The following NXPH1 variants were observed in gnomAD, a reference collection of about 807,000 sequenced individuals.
NXPH1 encodes neurexophilin 1, also known as neurexophilin-1.
In NXPH1, 5 loss-of-function variants were observed where a neutral mutation model predicts 23.7. The ratio of observed to expected loss-of-function variants is 0.21; its 90% CI spans 0.11 to 0.44. The LOEUF (loss-of-function observed/expected upper bound fraction) is 0.44. Among genes scored for constraint, NXPH1 ranks in the 20% least tolerant of loss-of-function variants. The pLI, the probability that NXPH1 is intolerant of heterozygous loss-of-function variation, is 0.99. For synonymous variants in NXPH1, 144 were observed against 122.2 expected (o/e 1.18, Z -1.18); for missense variants, 324 against 321.6 (o/e 1.01, Z -0.06).
Position 8,435,650 on chromosome 7 carries a change from C to T in NXPH1, c.-64C>T, listed in dbSNP as rs1451876495. The T allele has an allele frequency of 8.9e-6, 13 of 1,461,112 alleles. No homozygotes were observed. The highest frequency in any genetic ancestry group is 1.7e-5 in the Admixed American group (1 of 59,790). 90.5% of individuals were successfully genotyped at this position (1,461,112 alleles called of 1,614,324 possible). ...TCTGTAAAGTGGATGTCAGGTGGAT[C>T]TATGTTTCTGAAGGAACAAAGACTC... On this transcript the variant is annotated 5_prime_UTR_variant, in exon 2 of 3. Coordinates refer to ENST00000405863, the MANE Select transcript of NXPH1 (RefSeq NM_152745.3). The surrounding 1 kb of genome is among the most constrained non-coding windows in gnomAD (Gnocchi z 5.9).
intron 2 of NXPH1, among the ~76,000 whole-genome samples, chr7:8,538,816 G>A (rs1584219845): frequency 1.3e-5 from 2 of 151,978 alleles, no homozygotes; most frequent in South Asian, 4.2e-4. Context: ...AGAAGGTGAC[G>A]GTAAAGCTGA....
At chr7:8,750,032 G>A (rs1780537379) in intron 2 of NXPH1, among the ~76,000 whole-genome samples, 1 of 152,184 alleles carries the variant, frequency 6.6e-6, no homozygotes, top group Non-Finnish European at 1.5e-5. Flanking sequence ...CCACCCTGAA[G>A]TGACCTCTCA....
chr7:8,609,236 T>C (rs1017373605), intron 2 of NXPH1, among the ~76,000 whole-genome samples: 4 of 152,168 alleles, frequency 2.6e-5, no homozygotes, highest in African/African-American at 7.2e-5. Context: ...AGAAGCTCAA[T>C]ACATGTAAGC....
At chr7:8,714,809 T>A (rs531012158) in intron 2 of NXPH1, among the ~76,000 whole-genome samples, 4 of 152,210 alleles carry the variant, frequency 2.6e-5, no homozygotes, top group Admixed American at 2.6e-4. Context: ...TGAGCTGGTA[T>A]CCAAGTTGCA....
intron 2 of NXPH1, among the ~76,000 whole-genome samples, chr7:8,561,091 G>A (rs776445250): frequency 6.6e-6 from 1 of 151,528 alleles, no homozygotes; most frequent in Non-Finnish European, 1.5e-5. Flanking sequence ...TTATAACTAC[G>A]GGAATTCTAT....
chr7:8,448,546 G>T lies in NXPH1; in HGVS notation c.54+12779G>T, dbSNP rs1443089752. ...GAAAATGGACATTTGGCTGGGTGCG[G>T]TGACTCACGCCTGTAATCCTAGCAC... On this transcript the variant is annotated intron_variant, in intron 2 of 2. Transcript: ENST00000405863. Among the ~76,000 whole-genome samples the T allele has an allele frequency of 4.6e-5, 7 of 152,326 alleles. No individual in the cohort carries two copies. The East Asian group carries it at 1.4e-3, about 29-fold the overall frequency.
intron 2 of NXPH1, among the ~76,000 whole-genome samples, chr7:8,447,061 A>C (rs1480740532): frequency 6.6e-6 from 1 of 152,220 alleles, no homozygotes; most frequent in Non-Finnish European, 1.5e-5. Context: ...AAGCTGGGCT[A>C]TATGAGACCT....
chr7:8,577,592 G>C (rs1262665866), intron 2 of NXPH1, among the ~76,000 whole-genome samples: 2 of 152,128 alleles, frequency 1.3e-5, no homozygotes, highest in African/African-American at 4.8e-5. Context: ...ATTACACACT[G>C]TGCATGAGGC....
At chr7:8,667,240 T>G (rs562189542) in intron 2 of NXPH1, among the ~76,000 whole-genome samples, 1 of 152,290 alleles carries the variant, frequency 6.6e-6, no homozygotes, top group East Asian at 1.9e-4. Flanking sequence ...TATTAGCATA[T>G]TCTGAATTTG....
intron 2 of NXPH1, among the ~76,000 whole-genome samples, chr7:8,556,643 T>A (rs78086826): frequency 0.062 from 9,339 of 151,704 alleles, 989 homozygotes; most frequent in African/African-American, 0.21. Flanking sequence ...CTACCTCTTT[T>A]TGGGGGAGTA....
chr7:8,494,536 C>G (rs1817303993), intron 2 of NXPH1, among the ~76,000 whole-genome samples: 1 of 151,942 alleles, frequency 6.6e-6, no homozygotes, highest in African/African-American at 2.4e-5. Flanking sequence ...GAGTGAAGAT[C>G]ACAATCACAT....
intron 2 of NXPH1, among the ~76,000 whole-genome samples, chr7:8,520,937 C>T (rs4472426): frequency 6.6e-6 from 1 of 151,992 alleles, no homozygotes; most frequent in African/African-American, 2.4e-5. Context: ...ATTGAGACAG[C>T]CACAAGAAAT....
intron 2 of NXPH1, among the ~76,000 whole-genome samples, chr7:8,730,914 T>A (rs1205505429): frequency 6.6e-6 from 1 of 151,250 alleles, no homozygotes; most frequent in Non-Finnish European, 1.5e-5. Flanking sequence ...GATGTTCTCC[T>A]GGATAATATC....
intron 2 of NXPH1, among the ~76,000 whole-genome samples, chr7:8,648,234 G>T (rs894839916): frequency 3.9e-5 from 6 of 152,034 alleles, no homozygotes; most frequent in African/African-American, 1.5e-4. Context: ...TCACCCTGTT[G>T]TGCTATCAAA....
At chr7:8,552,882 A>AT in intron 2 of NXPH1, among the ~76,000 whole-genome samples, 1 of 151,540 alleles carries the variant, frequency 6.6e-6, no homozygotes, top group Non-Finnish European at 1.5e-5. Flanking sequence ...GGAAGAAATT[A>AT]TTTTTTCCTT....
Position 8,442,480 on chromosome 7 carries a change from C to T in NXPH1, c.54+6713C>T, listed in dbSNP as rs1234929283. Among the ~76,000 whole-genome samples the T allele has an allele frequency of 6.6e-6, 1 of 152,210 alleles. No individual in the cohort carries two copies. Among genetic ancestry groups the T allele is most frequent in the Non-Finnish European group, 1.5e-5 (1 of 68,046 alleles). On this transcript the variant is annotated intron_variant, in intron 2 of 2. Coordinates refer to ENST00000405863, the MANE Select transcript of NXPH1 (RefSeq NM_152745.3). This position sits in a 1 kb window ranked among gnomAD's most constrained non-coding sequence, Gnocchi z 4.6. ...GCAGGGGGAGGCCGCGCGTCCTCGC[C>T]ACACCGGAAGGAGAGGGCATCCGGC...
chr7:8,702,244 T>C lies in NXPH1; in HGVS notation c.55-48764T>C, dbSNP rs866330875. On this transcript the variant is annotated intron_variant, in intron 2 of 2. Coordinates refer to ENST00000405863, the MANE Select transcript of NXPH1 (RefSeq NM_152745.3). Reference sequence around the variant, plus strand: ...TACATGGCTCTATCACCTCAAACTTTTATGCAAATTATCCTAGCTGGATCA... The same window carrying C: ...TACATGGCTCTATCACCTCAAACTTCTATGCAAATTATCCTAGCTGGATCA... Among the ~76,000 whole-genome samples, 4 of 152,268 alleles carry C rather than the reference T, an allele frequency of 2.6e-5. 1 individual carries two copies. The highest frequency in any genetic ancestry group is 9.6e-5 in the African/African-American group (4 of 41,562).
Position 8,664,087 on chromosome 7 carries a change from T to C in NXPH1, c.55-86921T>C, listed in dbSNP as rs77219746. On this transcript the variant is annotated intron_variant, in intron 2 of 2. Transcript: ENST00000405863. Reference sequence around the variant, plus strand: ...AGAAAGCCATGTATGATGCTTTAACTTTCTATCCCTAACACATTTTCTCTG... The same window carrying C: ...AGAAAGCCATGTATGATGCTTTAACCTTCTATCCCTAACACATTTTCTCTG... Among the ~76,000 whole-genome samples the C allele has an allele frequency of 5.0e-4, 76 of 152,232 alleles. No homozygotes were observed. In the East Asian group the frequency reaches 0.014, roughly 27 times the overall value.
chr7:8,700,844 G>T (rs1444047008), intron 2 of NXPH1, among the ~76,000 whole-genome samples: 1 of 151,832 alleles, frequency 6.6e-6, no homozygotes, highest in African/African-American at 2.4e-5. Flanking sequence ...ATGGTCTCTG[G>T]GCTCAATCTA....
Sources: gnomAD v4.1 joint callset for allele counts (sites outside exome capture counted in the v4.1 genomes callset) on GRCh38, gnomAD v4.1.1 for gene constraint, Gnocchi (gnomAD v3.1) non-coding constraint, MANE v1.5 for transcripts, NCBI Gene and HGNC (gene_info 2026-07-23, HGNC 2026-07-21) for gene names.